Variants in FOXJ3 observed in about 807,000 individuals in gnomAD.
The protein encoded by FOXJ3 is forkhead box protein J3.
In FOXJ3, 22 loss-of-function variants were observed where a neutral mutation model predicts 76.1. The ratio of observed to expected loss-of-function variants is 0.29; its 90% CI spans 0.21 to 0.41. The LOEUF is 0.41. Ranked by LOEUF, FOXJ3 falls within the 10% of genes least tolerant of loss-of-function variation. FOXJ3 has a pLI of 1.00. For synonymous variants in FOXJ3, 269 were observed against 261.2 expected, an observed-to-expected ratio of 1.03 and a Z score of -0.29; for missense variants, 613 against 762.1, an observed-to-expected ratio of 0.80 and a Z score of 2.30.
chr1:42,198,673 T>C (rs1027803517), intron 7 of FOXJ3, among the ~76,000 whole-genome samples: 5 of 152,190 alleles, frequency 3.3e-5, no homozygotes, highest in African/African-American at 1.2e-4. Flanking sequence ...TAGTTAACAA[T>C]TGAGTGTACC....
chr1:42,191,263 TCA>T lies in FOXJ3; in HGVS notation c.1351+38_1351+39del, dbSNP rs780228229. 5.0e-5 allele frequency: 75 copies of T among 1,511,714 alleles called. 1 individual carries two copies. In the South Asian group the frequency reaches 6.9e-4, roughly 14 times the overall value. 93.6% of individuals were successfully genotyped at this position (1,511,714 alleles called of 1,614,324 possible). A position where few individuals can be genotyped will look rare whatever the true frequency, so the allele number is the denominator to read the frequency against. ...TAAATAACAAAGGACAGATCCTAAT[TCA>T]CAGTTAGCCAAACACAAACCAGGAG... On this transcript the variant is annotated intron_variant, in intron 9 of 12. Coordinates refer to ENST00000361346, the MANE Select transcript of FOXJ3 (RefSeq NM_014947.5).
At chr1:42,193,682 C>G (rs1303732998) in intron 8 of FOXJ3, among the ~76,000 whole-genome samples, 3 of 152,098 alleles carry the variant, frequency 2.0e-5, no homozygotes, top group African/African-American at 7.3e-5. Context: ...CATTAACTGA[C>G]AGTAAGTATT....
chr1:42,234,104 ATTC>A (rs1648383384), intron 4 of FOXJ3, among the ~76,000 whole-genome samples: 1 of 152,014 alleles, frequency 6.6e-6, no homozygotes. Flanking sequence ...GTTTCTTTTT[ATTC>A]TTTTTTCTCT....
At chr1:42,317,974 G>C (rs1438178980) in intron 1 of FOXJ3, among the ~76,000 whole-genome samples, 1 of 152,020 alleles carries the variant, frequency 6.6e-6, no homozygotes, top group African/African-American at 2.4e-5. Flanking sequence ...TTCATTCTCT[G>C]TTATATTCCC....
chr1:42,204,161 G>A (rs374821445), intron 6 of FOXJ3, among the ~76,000 whole-genome samples: 5 of 151,930 alleles, frequency 3.3e-5, no homozygotes, highest in Admixed American at 2.0e-4. Flanking sequence ...ACTGAGAATC[G>A]GGAAATGCAC....
At chr1:42,254,824 G>A (rs1211390844) in intron 4 of FOXJ3, among the ~76,000 whole-genome samples, 1 of 135,196 alleles carries the variant, frequency 7.4e-6, no homozygotes, top group Admixed American at 7.3e-5. Flanking sequence ...TGGGGTGGGG[G>A]GAGGGGGGAG....
intron 4 of FOXJ3, among the ~76,000 whole-genome samples, chr1:42,244,495 C>CAAT (rs1260915320): frequency 6.6e-6 from 1 of 151,950 alleles, no homozygotes; most frequent in East Asian, 1.9e-4. Flanking sequence ...CCAGACTGGG[C>CAAT]AATACAGCAA....
intron 2 of FOXJ3, among the ~76,000 whole-genome samples, chr1:42,309,644 T>C (rs552067368): frequency 4.3e-4 from 66 of 152,240 alleles, no homozygotes; most frequent in Non-Finnish European, 8.4e-4. Context: ...ACATTTAGAA[T>C]AGTATCTGAC....
chr1:42,321,328 C>G (rs959348802), intron 1 of FOXJ3, among the ~76,000 whole-genome samples: 1 of 152,058 alleles, frequency 6.6e-6, no homozygotes, highest in African/African-American at 2.4e-5. Context: ...AAAATAATGT[C>G]TAAACACAAG....
At chr1:42,215,736 G>A (rs908259384) in intron 5 of FOXJ3, among the ~76,000 whole-genome samples, 18 of 152,142 alleles carry the variant, frequency 1.2e-4, no homozygotes, top group African/African-American at 3.6e-4. Context: ...GGTAAACATC[G>A]ACTAGGAAAT....
chr1:42,320,488 AT>A (rs925852368), intron 1 of FOXJ3, among the ~76,000 whole-genome samples: 4 of 152,180 alleles, frequency 2.6e-5, no homozygotes, highest in African/African-American at 9.7e-5. Context: ...CCCTTTCCCA[AT>A]TTACACATTT....
At chr1:42,261,495 G>C (rs910402733) in intron 4 of FOXJ3, among the ~76,000 whole-genome samples, 2 of 151,824 alleles carry the variant, frequency 1.3e-5, no homozygotes, top group Non-Finnish European at 2.9e-5. Context: ...GTACATAAAG[G>C]GTACCAAATT....
At chr1:42,270,087 C>T (rs1651761474) in intron 3 of FOXJ3, among the ~76,000 whole-genome samples, 1 of 152,212 alleles carries the variant, frequency 6.6e-6, no homozygotes, top group South Asian at 2.1e-4. Flanking sequence ...CATTCATCCC[C>T]TCCAATGTTC....
intron 2 of FOXJ3, among the ~76,000 whole-genome samples, chr1:42,281,880 G>A (rs1652742538): frequency 6.6e-6 from 1 of 152,084 alleles, no homozygotes; most frequent in Admixed American, 6.5e-5. Flanking sequence ...CCAACATGGT[G>A]AAACCCCGTC....
chr1:42,266,269 A>G (rs927146277), intron 3 of FOXJ3, among the ~76,000 whole-genome samples: 4 of 152,158 alleles, frequency 2.6e-5, no homozygotes, highest in Admixed American at 2.6e-4. Context: ...ACCATCTATT[A>G]CCAAAGCAGA....
rs1655862792 is a variant in FOXJ3, at chr1:42,326,809, G to A, written c.-18+8250C>T. Reference sequence around the variant, plus strand: ...TGCTCCAAGTAGGCCAGGTCCTTTGGGGTCTATAACCTTCCATTTTTACCT... The same window carrying A: ...TGCTCCAAGTAGGCCAGGTCCTTTGAGGTCTATAACCTTCCATTTTTACCT... On this transcript the variant is annotated intron_variant, in intron 1 of 12. Coordinates refer to ENST00000361346, the MANE Select transcript of FOXJ3 (RefSeq NM_014947.5). Among the ~76,000 whole-genome samples, 3 of 152,044 alleles carry A rather than the reference G, an allele frequency of 2.0e-5. 1 individual carries two copies. The South Asian group carries it at 6.2e-4, about 31-fold the overall frequency.
At chr1:42,296,907 T>C (rs773294217) in intron 2 of FOXJ3, among the ~76,000 whole-genome samples, 1 of 152,212 alleles carries the variant, frequency 6.6e-6, no homozygotes, top group African/African-American at 2.4e-5. Context: ...TGGTCATTTT[T>C]GTGATATTGA....
At chr1:42,191,748 C>G in intron 8 of FOXJ3, 29 bp from the exon 9 acceptor site, 1 of 1,596,326 alleles carries the variant, frequency 6.3e-7, no homozygotes, top group South Asian at 1.1e-5. Context: ...CATTTATGGT[C>G]AGATTTCAGT....
chr1:42,282,068 GAA>G (rs202102061), intron 2 of FOXJ3, among the ~76,000 whole-genome samples: 2 of 118,774 alleles, frequency 1.7e-5, no homozygotes, highest in African/African-American at 3.2e-5. Context: ...CAAAAAAGGA[GAA>G]AAAAAAAAAA....
Sources: allele counts gnomAD v4.1 joint callset (sites outside exome capture counted in the v4.1 genomes callset), GRCh38; gene constraint gnomAD v4.1.1; transcripts MANE v1.5; gene names NCBI Gene and HGNC (gene_info 2026-07-23, HGNC 2026-07-21).